Variants in NRXN2 observed in about 807,000 individuals in gnomAD.
NRXN2 encodes neurexin-2-beta.
NRXN2 carries 29 observed loss-of-function variants against 128.8 expected under a neutral mutation model. The observed-to-expected ratio is 0.23, with a 90% CI of 0.17 to 0.31. The LOEUF (loss-of-function observed/expected upper bound fraction) is 0.31, where lower values mean the gene tolerates loss of function less well. NRXN2 is among the 10% of genes least tolerant of loss of function. The pLI is 1.00. For synonymous variants in NRXN2, 1,098 were observed against 1,075.2 expected (o/e 1.02, Z -0.41); for missense variants, 1,881 against 2,452.6 (o/e 0.77, Z 4.92).
intron 2 of NRXN2, among the ~76,000 whole-genome samples, chr11:64,704,220 C>T (rs994499648): frequency 2.6e-5 from 4 of 152,064 alleles, no homozygotes; most frequent in Non-Finnish European, 4.4e-5. Context: ...CAGCAGAAGA[C>T]AGAGATGGTG....
chr11:64,690,369 G>A, intron 5 of NRXN2, 36 bp downstream of exon 5: 1 of 1,589,828 alleles, frequency 6.3e-7, no homozygotes, highest in Non-Finnish European at 8.6e-7. Flanking sequence ...AGCAGGATGA[G>A]GGCTGGGCTC....
chr11:64,676,839 A>G, intron 7 of NRXN2, 154 bp downstream of exon 7: 2 of 667,864 alleles, frequency 3.0e-6, no homozygotes, highest in Non-Finnish European at 2.7e-6. Context: ...CTAAAAGAGA[A>G]GCAAAATCTA....
chr11:64,705,202 A>G (rs1178805217), intron 2 of NRXN2, among the ~76,000 whole-genome samples: 2 of 152,124 alleles, frequency 1.3e-5, no homozygotes, highest in African/African-American at 4.8e-5. Flanking sequence ...AAATAAACCA[A>G]ATGCAGGTAA....
At chr11:64,615,274 G>A (rs2041299802) in intron 22 of NRXN2, among the ~76,000 whole-genome samples, 1 of 152,244 alleles carries the variant, frequency 6.6e-6, no homozygotes, top group African/African-American at 2.4e-5. Flanking sequence ...TCCAAGCCTT[G>A]AGTCATCACT....
intron 22 of NRXN2, among the ~76,000 whole-genome samples, chr11:64,612,214 G>C (rs954276686): frequency 6.6e-6 from 1 of 152,018 alleles, no homozygotes; most frequent in Non-Finnish European, 1.5e-5. Context: ...GGGGAGGACC[G>C]GGCTCCTCAA....
chr11:64,668,562 T>C lies in NRXN2; in HGVS notation c.1240A>G (p.Thr414Ala). The change falls in exon 8 of 23, where the codon ACG becomes GCG. Residue 414 changes from threonine to alanine, a missense_variant. Coordinates refer to ENST00000265459, the MANE Select transcript of NRXN2 (RefSeq NM_015080.4). Reference sequence around the variant, plus strand: ...CCCAGCATGGTGTAATCCTCCTGCGTGTAGCCTGTGGTGGTCAGGATCCCG... The same window carrying C: ...CCCAGCATGGTGTAATCCTCCTGCGCGTAGCCTGTGGTGGTCAGGATCCCG... ...VDGILTTTGY[T>A]QEDYTMLGSD... 1 of 1,613,880 alleles carries C rather than the reference T, an allele frequency of 6.2e-7. No individual in the cohort carries two copies. Among genetic ancestry groups the C allele is most frequent in the Non-Finnish European group, 8.5e-7 (1 of 1,179,968 alleles).
chr11:64,676,606 G>A, intron 7 of NRXN2: 1 of 239,132 alleles, frequency 4.2e-6, no homozygotes, highest in South Asian at 8.5e-5. Context: ...AACAAGGGAG[G>A]GGAGGGAAAA....
intron 1 of NRXN2, among the ~76,000 whole-genome samples, chr11:64,717,546 CCAACATTACCCTCTCCCGATAACT>C (rs1428241868): frequency 2.6e-5 from 4 of 152,168 alleles, no homozygotes; most frequent in Admixed American, 6.5e-5. Context: ...CTGACTCTCC[CCAACATTACCCTCTCCCGATAACT>C]CAACATTACC....
intron 22 of NRXN2, among the ~76,000 whole-genome samples, chr11:64,619,415 C>A (rs2041994508): frequency 6.6e-6 from 1 of 151,970 alleles, no homozygotes; most frequent in African/African-American, 2.4e-5. Flanking sequence ...AAATGAGCAG[C>A]CTTGGCACTC....
chr11:64,709,017 A>G (rs775597932), intron 2 of NRXN2, among the ~76,000 whole-genome samples: 28 of 151,590 alleles, frequency 1.8e-4, no homozygotes, highest in Non-Finnish European at 3.4e-4. Flanking sequence ...CATGGTGAAA[A>G]CCCGTCTCTA....
rs1157509857 is a variant in NRXN2 at position 64,713,178 on chromosome 11, G to A, written c.522C>T (p.Pro174=). 1 of 1,466,720 alleles carries A rather than the reference G, an allele frequency of 6.8e-7. No individual in the cohort carries two copies. The highest frequency in any genetic ancestry group is 9.0e-7 in the Non-Finnish European group (1 of 1,112,770). The allele number at this position is 1,466,720 out of a possible 1,614,324, so 90.9% of individuals were successfully genotyped here. ...LTLSTVKYEP[P]FRGLLANLKL... ...TCAGGTTGGCCAAGAGGCCGCGGAA[G>A]GGCGGCTCGTACTTGACGGTGCTCA... The change falls in exon 2 of 23, where the codon CCC becomes CCT. Residue 174 remains proline (P), a synonymous_variant. Coordinates refer to ENST00000265459, the MANE Select transcript of NRXN2 (RefSeq NM_015080.4).
At chr11:64,681,302 T>C (rs917242465) in intron 6 of NRXN2, among the ~76,000 whole-genome samples, 4 of 151,864 alleles carry the variant, frequency 2.6e-5, no homozygotes, top group Non-Finnish European at 4.4e-5. Context: ...GGAAAACAAC[T>C]ACAAACACTC....
chr11:64,716,487 G>A (rs555846713), intron 1 of NRXN2, among the ~76,000 whole-genome samples: 7 of 152,340 alleles, frequency 4.6e-5, no homozygotes, highest in Admixed American at 3.9e-4. Flanking sequence ...TCTGGGTGGA[G>A]GGGCAGGGGG....
Position 64,612,933 on chromosome 11 carries a change from G to A in NRXN2, c.4253-4851C>T, listed in dbSNP as rs558097121. Among the ~76,000 whole-genome samples the A allele has an allele frequency of 6.2e-4, 94 of 152,350 alleles. 1 individual carries two copies. In the South Asian group the frequency reaches 0.018, roughly 30 times the overall value. On this transcript the variant is annotated intron_variant, in intron 22 of 22. Coordinates refer to ENST00000265459, the MANE Select transcript of NRXN2 (RefSeq NM_015080.4). Reference sequence around the variant, plus strand: ...CCATTCTCTCCTCTCAGTGGACACGGTCCTGTTCTGGTGCTCAGGACACAT... The same window carrying A: ...CCATTCTCTCCTCTCAGTGGACACGATCCTGTTCTGGTGCTCAGGACACAT...
Position 64,635,418 on chromosome 11 carries a change from C to T in NRXN2, c.3438G>A (p.Ala1146=), listed in dbSNP as rs373826308. The T allele has an allele frequency of 3.1e-6, 5 of 1,613,684 alleles. No individual in the cohort carries two copies. In the East Asian group the frequency reaches 6.7e-5, roughly 22 times the overall value. Reference sequence around the variant, plus strand: ...TGGGGGGCCACGTGTAGGTGATGAGCGCTCCCCCCTTCCCAAAGATGTATG... The same window carrying T: ...TGGGGGGCCACGTGTAGGTGATGAGTGCTCCCCCCTTCCCAAAGATGTATG... ...GTTYIFGKGG[A]LITYTWPPND... The change falls in exon 18 of 23, where the codon GCG becomes GCA. Residue 1146 remains alanine, a synonymous_variant. Coordinates refer to ENST00000265459, the MANE Select transcript of NRXN2 (RefSeq NM_015080.4). The surrounding 1 kb of genome is among the most constrained non-coding windows in gnomAD (Gnocchi z 4.8).
intron 9 of NRXN2, among the ~76,000 whole-genome samples, chr11:64,664,655 C>T (rs1260180133): frequency 6.6e-6 from 1 of 152,076 alleles, no homozygotes; most frequent in Non-Finnish European, 1.5e-5. Flanking sequence ...AGAGTTTTCT[C>T]GGAATAGCTG....
chr11:64,634,335 G>T (rs1002481677), intron 18 of NRXN2, among the ~76,000 whole-genome samples: 1 of 152,228 alleles, frequency 6.6e-6, no homozygotes, highest in Non-Finnish European at 1.5e-5. Context: ...AGGACTGTGG[G>T]GAGGGGTCAG....
Position 64,630,495 on chromosome 11 carries a change from C to T in NRXN2, c.3664G>A (p.Asp1222Asn). 2 of 1,614,042 alleles carry T rather than the reference C, an allele frequency of 1.2e-6. No homozygotes were observed. The highest frequency in any genetic ancestry group is 2.2e-5 in the South Asian group (2 of 91,090). ...TIDEPNAIVS[D>N]GKYHVVRFTR... ...AAGCGCACCACGTGGTATTTGCCGT[C>T]GCTTACTATGGCGTTGGGCTCGTCG... Residue 1222 changes from aspartate (D) to asparagine (N), a missense_variant, in exon 19 of 23, where the codon GAC becomes AAC. Transcript: ENST00000265459. This position sits in a 1 kb window ranked among gnomAD's most constrained non-coding sequence, Gnocchi z 4.6.
intron 17 of NRXN2, chr11:64,642,872 C>T: frequency 9.7e-7 from 1 of 1,034,662 alleles, no homozygotes; most frequent in Non-Finnish European, 1.2e-6. Flanking sequence ...CGCAGCCCCG[C>T]GAAGCCCCCC....
Sources: gnomAD v4.1 joint callset for allele counts (sites outside exome capture counted in the v4.1 genomes callset) on GRCh38, gnomAD v4.1.1 for gene constraint, Gnocchi (gnomAD v3.1) non-coding constraint, MANE v1.5 for transcripts, NCBI Gene and HGNC (gene_info 2026-07-23, HGNC 2026-07-21) for gene names.